Variants in TRIO observed in about 807,000 individuals in gnomAD.
TRIO encodes the protein trio Rho guanine nucleotide exchange factor.
In TRIO, 58 loss-of-function variants were observed where a neutral mutation model predicts 351.9. The ratio of observed to expected loss-of-function variants is 0.16; its 90% CI spans 0.13 to 0.21. TRIO has a LOEUF of 0.21. Ranked by LOEUF, TRIO falls within the 10% of genes least tolerant of loss-of-function variation. The probability of loss-of-function intolerance (pLI) is 1.00; values close to 1 mark genes in which losing one functional copy is unlikely to be tolerated. For synonymous variants in TRIO, 1,758 were observed against 1,595.7 expected, an observed-to-expected ratio of 1.10 and a Z score of -2.42; for missense variants, 3,201 against 4,027.8, an observed-to-expected ratio of 0.79 and a Z score of 5.56.
At chr5:14,265,425 A>T (rs1230345661) in intron 1 of TRIO, among the ~76,000 whole-genome samples, 1 of 152,202 alleles carries the variant, frequency 6.6e-6, no homozygotes, top group African/African-American at 2.4e-5. Flanking sequence ...AAAATAATAA[A>T]ACCTATGTTT....
chr5:14,241,893 G>A (rs1169370023), intron 1 of TRIO, among the ~76,000 whole-genome samples: 1 of 152,082 alleles, frequency 6.6e-6, no homozygotes, highest in Admixed American at 6.5e-5. Context: ...TTTTGTAGCA[G>A]TTCAATACAC....
At chr5:14,261,337 G>C (rs947141939) in intron 1 of TRIO, among the ~76,000 whole-genome samples, 2 of 152,230 alleles carry the variant, frequency 1.3e-5, no homozygotes, top group African/African-American at 4.8e-5. Context: ...AGGAGTTACA[G>C]TTTGTGCTGG....
intron 24 of TRIO, 81 bp from the exon 25 acceptor site, chr5:14,389,204 CTGTG>C: frequency 1.0e-6 from 1 of 995,144 alleles, no homozygotes; most frequent in Non-Finnish European, 1.5e-6. Context: ...TACATTAACT[CTGTG>C]TGTTTACAGA....
intron 34 of TRIO, among the ~76,000 whole-genome samples, chr5:14,433,891 A>G (rs978298652): frequency 6.6e-6 from 1 of 152,222 alleles, no homozygotes; most frequent in Non-Finnish European, 1.5e-5. Context: ...TGTTTACTCA[A>G]AAAGCATCAT....
chr5:14,192,875 G>T (rs1377955172), intron 1 of TRIO, among the ~76,000 whole-genome samples: 2 of 152,200 alleles, frequency 1.3e-5, no homozygotes, highest in Non-Finnish European at 2.9e-5. Flanking sequence ...AGTTGGAAAT[G>T]ATTACTTTGC....
chr5:14,145,821 C>G (rs1348754216), intron 1 of TRIO, among the ~76,000 whole-genome samples: 7 of 152,206 alleles, frequency 4.6e-5, no homozygotes, highest in African/African-American at 1.4e-4. Context: ...TGGCGTGGCT[C>G]TCTCCAGGAG....
At chr5:14,410,175 C>T (rs1325352452) in intron 33 of TRIO, among the ~76,000 whole-genome samples, 1 of 152,094 alleles carries the variant, frequency 6.6e-6, no homozygotes, top group Non-Finnish European at 1.5e-5. Context: ...GATTAAACGG[C>T]GTATGAGACT....
At chr5:14,176,922 T>C (rs1789439975) in intron 1 of TRIO, among the ~76,000 whole-genome samples, 1 of 152,272 alleles carries the variant, frequency 6.6e-6, no homozygotes, top group Non-Finnish European at 1.5e-5. Flanking sequence ...TTTATGCACA[T>C]ATTACAGGGT....
chr5:14,161,686 G>T (rs1220679826), intron 1 of TRIO, among the ~76,000 whole-genome samples: 1 of 152,144 alleles, frequency 6.6e-6, no homozygotes, highest in Non-Finnish European at 1.5e-5. Context: ...CTGATTTAGT[G>T]GTTCTAGATT....
Position 14,358,293 on chromosome 5 carries a change from T to C in TRIO, c.2162T>C (p.Leu721Pro). The C allele has an allele frequency of 6.2e-7, 1 of 1,614,174 alleles. No homozygotes were observed. Among genetic ancestry groups the C allele is most frequent in the Non-Finnish European group, 8.5e-7 (1 of 1,180,026 alleles). The part of the protein sequence containing the change: ...KRFGQQQQTT[L>P]QVTVNVIKEG... ...TTTGGCCAGCAGCAGCAGACCACCCTGCAGGTGACTGTCAACGTGATCAAG... is the reference window on the plus strand; with the variant it reads ...TTTGGCCAGCAGCAGCAGACCACCCCGCAGGTGACTGTCAACGTGATCAAG... Residue 721 changes from leucine (L) to proline (P), a missense_variant, in exon 12 of 57, where the codon CTG (leucine) becomes CCG (proline). By Grantham distance (98) the Leu-to-Pro change is moderately conservative. This residue lies in a region of TRIO where 363 missense variants were observed against 553.5 expected (regional missense o/e 0.66). Transcript: ENST00000344204.
At chr5:14,291,288 C>G in intron 5 of TRIO, 60 bp downstream of exon 5, 1 of 1,549,054 alleles carries the variant, frequency 6.5e-7, no homozygotes, top group South Asian at 1.2e-5. Context: ...CTGGTGGGTT[C>G]GGGTGGAAGG....
Position 14,286,273 on chromosome 5 carries a change from C to T in TRIO, c.348-598C>T, listed in dbSNP as rs1022436079. On this transcript the variant is annotated intron_variant, in intron 3 of 56. Transcript: ENST00000344204. This position sits in a 1 kb window ranked among gnomAD's most constrained non-coding sequence, Gnocchi z 4.4. ...GAAGGGTGCCAAGAACTCCCAGGGA[C>T]GGGTGGATGGTATGGAAAACCACTG... Among the ~76,000 whole-genome samples the T allele has an allele frequency of 3.3e-5, 5 of 151,970 alleles. No individual in the cohort carries two copies. The highest frequency in any genetic ancestry group is 1.9e-4 in the East Asian group (1 of 5,186).
intron 14 of TRIO, 62 bp downstream of exon 14, chr5:14,363,989 C>A: frequency 6.6e-7 from 1 of 1,525,832 alleles, no homozygotes; most frequent in South Asian, 1.3e-5. Context: ...GGCAATTCGG[C>A]TTATTTCAGT....
intron 1 of TRIO, among the ~76,000 whole-genome samples, chr5:14,214,110 A>C (rs1459235730): frequency 6.6e-6 from 1 of 152,192 alleles, no homozygotes; most frequent in African/African-American, 2.4e-5. Flanking sequence ...GTTTACTGTC[A>C]TGTGCTCCTG....
chr5:14,170,723 C>T (rs572283036), intron 1 of TRIO, among the ~76,000 whole-genome samples: 4 of 152,198 alleles, frequency 2.6e-5, no homozygotes, highest in African/African-American at 9.6e-5. Flanking sequence ...CCAGCGTGGT[C>T]TGGAACTCCT....
chr5:14,446,041 C>G (rs905507929), intron 34 of TRIO, among the ~76,000 whole-genome samples: 1 of 152,202 alleles, frequency 6.6e-6, no homozygotes, highest in Non-Finnish European at 1.5e-5. Flanking sequence ...GGACAAGATC[C>G]GTGCTGTTAA....
intron 13 of TRIO, among the ~76,000 whole-genome samples, chr5:14,360,013 C>A (rs1744001042): frequency 6.6e-6 from 1 of 151,976 alleles, no homozygotes; most frequent in Non-Finnish European, 1.5e-5. Flanking sequence ...CTCTCTCCAC[C>A]TTCTCTCTCT....
intron 8 of TRIO, among the ~76,000 whole-genome samples, chr5:14,307,706 A>G (rs1042474311): frequency 6.6e-6 from 1 of 152,200 alleles, no homozygotes. Flanking sequence ...CAGCTACTCT[A>G]ATAGAATACC....
intron 11 of TRIO, among the ~76,000 whole-genome samples, chr5:14,342,841 G>GC (rs1421662599): frequency 4.1e-4 from 62 of 152,264 alleles, no homozygotes; most frequent in African/African-American, 1.5e-3. Flanking sequence ...TGTTGAAAAT[G>GC]CACTAATACT....
Sources: allele counts gnomAD v4.1 joint callset (sites outside exome capture counted in the v4.1 genomes callset), GRCh38; gene constraint gnomAD v4.1.1; regional missense constraint gnomAD v4.1.1; non-coding constraint Gnocchi (gnomAD v3.1); transcripts MANE v1.5; gene names NCBI Gene and HGNC (gene_info 2026-07-23, HGNC 2026-07-21).